The following GRM5 variants were observed in gnomAD, a reference collection of about 807,000 sequenced individuals.
GRM5 encodes the protein metabotropic glutamate receptor 5.
Under a neutral mutation model 83.1 loss-of-function variants are expected in GRM5, and 19 were observed. That is an observed-to-expected ratio of 0.23 (90% CI 0.16 to 0.34). The LOEUF is 0.34. GRM5 is among the 10% of genes least tolerant of loss of function. The pLI, the probability that GRM5 is intolerant of heterozygous loss-of-function variation, is 1.00. For missense variants in GRM5, 1,160 were observed against 1,588.3 expected, an observed-to-expected ratio of 0.73 and a Z score of 4.58; for synonymous variants, 675 against 633.6, an observed-to-expected ratio of 1.07 and a Z score of -0.98.
chr11:88,598,902 T>A (rs886238419), intron 5 of GRM5, among the ~76,000 whole-genome samples: 1 of 152,216 alleles, frequency 6.6e-6, no homozygotes, highest in African/African-American at 2.4e-5. Context: ...AAAGTTTAGT[T>A]CACACTGTTA....
chr11:88,693,659 G>A (rs1291771033), intron 3 of GRM5, among the ~76,000 whole-genome samples: 1 of 152,146 alleles, frequency 6.6e-6, no homozygotes, highest in Admixed American at 6.6e-5. Flanking sequence ...GCCCATGTAA[G>A]CCTTAGAACC....
intron 2 of GRM5, among the ~76,000 whole-genome samples, chr11:88,946,953 A>G (rs5017676): frequency 0.011 from 1,662 of 152,202 alleles, 25 homozygotes; most frequent in African/African-American, 0.038. Flanking sequence ...GCTTTAATCA[A>G]TGAGAATGTT....
At chr11:88,917,926 AAC>A (rs1430317501) in intron 2 of GRM5, among the ~76,000 whole-genome samples, 14 of 152,164 alleles carry the variant, frequency 9.2e-5, no homozygotes, top group Admixed American at 5.9e-4. Context: ...TGAAAAAAAT[AAC>A]AGAGAACTTT....
intron 3 of GRM5, among the ~76,000 whole-genome samples, chr11:88,824,258 T>G (rs1019200756): frequency 6.6e-6 from 1 of 152,176 alleles, no homozygotes; most frequent in African/African-American, 2.4e-5. Flanking sequence ...TTTTGTGGAC[T>G]TCACAGAATT....
At chr11:88,700,067 G>A (rs1940993252) in intron 3 of GRM5, among the ~76,000 whole-genome samples, 1 of 152,114 alleles carries the variant, frequency 6.6e-6, no homozygotes, top group African/African-American at 2.4e-5. Context: ...GAAGAAAAGT[G>A]GCCCAAAGTG....
At chr11:89,011,708 C>T (rs1259099748) in intron 2 of GRM5, among the ~76,000 whole-genome samples, 2 of 152,194 alleles carry the variant, frequency 1.3e-5, no homozygotes, top group African/African-American at 2.4e-5. Context: ...AAGCAGCCTA[C>T]AGCATCTTGA....
chr11:88,515,924 T>C (rs150925128), intron 9 of GRM5, among the ~76,000 whole-genome samples: 17 of 152,344 alleles, frequency 1.1e-4, no homozygotes, highest in Middle Eastern at 3.4e-3. Flanking sequence ...AATCCTGGAA[T>C]GGTAATAGTT....
chr11:88,648,260 C>T (rs1179970832), intron 4 of GRM5, among the ~76,000 whole-genome samples: 1 of 149,460 alleles, frequency 6.7e-6, no homozygotes. Flanking sequence ...ATCCAAATGT[C>T]CAACAATGAT....
chr11:88,593,524 A>G (rs1565352307), intron 6 of GRM5, among the ~76,000 whole-genome samples: 2 of 151,646 alleles, frequency 1.3e-5, no homozygotes, highest in Admixed American at 1.3e-4. Context: ...AAAAATACAA[A>G]AACATTAGCC....
chr11:88,669,048 T>G (rs918674855), intron 3 of GRM5, among the ~76,000 whole-genome samples: 1 of 152,132 alleles, frequency 6.6e-6, no homozygotes, highest in Non-Finnish European at 1.5e-5. Context: ...GATCCAATAA[T>G]CCTATTTCTG....
intron 2 of GRM5, among the ~76,000 whole-genome samples, chr11:88,900,869 G>A (rs1333738897): frequency 6.6e-6 from 1 of 152,116 alleles, no homozygotes. Flanking sequence ...GGTTTTCTGG[G>A]AAAATGATGT....
chr11:88,962,423 T>G (rs949185520), intron 2 of GRM5, among the ~76,000 whole-genome samples: 2 of 152,182 alleles, frequency 1.3e-5, no homozygotes, highest in Non-Finnish European at 2.9e-5. Context: ...CACTAAATAA[T>G]TCATTCATAT....
intron 3 of GRM5, among the ~76,000 whole-genome samples, chr11:88,730,119 G>T (rs1218460843): frequency 6.6e-6 from 1 of 152,108 alleles, no homozygotes; most frequent in Non-Finnish European, 1.5e-5. Flanking sequence ...GAAAATTTTT[G>T]CAATCTACTC....
intron 4 of GRM5, among the ~76,000 whole-genome samples, chr11:88,651,892 T>C (rs1480982767): frequency 6.6e-6 from 1 of 152,074 alleles, no homozygotes; most frequent in East Asian, 1.9e-4. Flanking sequence ...ATCTCCATCA[T>C]TTCCCAAAAG....
intron 3 of GRM5, among the ~76,000 whole-genome samples, chr11:88,700,980 G>C (rs998398236): frequency 2.0e-5 from 3 of 152,142 alleles, no homozygotes; most frequent in Non-Finnish European, 2.9e-5. Context: ...TATATGAGTG[G>C]TCCCACTTAA....
intron 3 of GRM5, among the ~76,000 whole-genome samples, chr11:88,767,056 C>G (rs887104590): frequency 6.6e-6 from 1 of 151,894 alleles, no homozygotes; most frequent in African/African-American, 2.4e-5. Flanking sequence ...TTTGATACAG[C>G]TGGAGTGCAG....
chr11:88,562,748 A>G (rs1048751725), intron 8 of GRM5, among the ~76,000 whole-genome samples: 9 of 152,026 alleles, frequency 5.9e-5, no homozygotes, highest in African/African-American at 2.2e-4. Context: ...ATTATCTAAC[A>G]AACACCTGAC....
intron 2 of GRM5, among the ~76,000 whole-genome samples, chr11:88,920,575 T>C (rs1481787277): frequency 6.6e-6 from 1 of 152,152 alleles, no homozygotes; most frequent in Non-Finnish European, 1.5e-5. Flanking sequence ...GTACTACTAA[T>C]TCTATGAGGC....
At chr11:88,798,474 A>G (rs574793012) in intron 3 of GRM5, among the ~76,000 whole-genome samples, 1 of 152,278 alleles carries the variant, frequency 6.6e-6, no homozygotes, top group African/African-American at 2.4e-5. Flanking sequence ...AGGAAATTCT[A>G]CAAGGCTTAT....
Sources: gnomAD v4.1 joint callset for allele counts (sites outside exome capture counted in the v4.1 genomes callset) on GRCh38, gnomAD v4.1.1 for gene constraint, MANE v1.5 for transcripts, NCBI Gene and HGNC (gene_info 2026-07-23, HGNC 2026-07-21) for gene names.